NOL4L: variants seen among roughly 807,000 people sequenced by gnomAD.
NOL4L encodes nucleolar protein 4-like.
NOL4L carries 7 observed loss-of-function variants against 64.5 expected under a neutral mutation model. That is an observed-to-expected ratio of 0.11 (90% CI 0.06 to 0.20). The LOEUF is 0.20. Among genes scored for constraint, NOL4L ranks in the 10% least tolerant of loss-of-function variants. The pLI, the probability that NOL4L is intolerant of heterozygous loss-of-function variation, is 1.00. For synonymous variants in NOL4L, 413 were observed against 401.0 expected, an observed-to-expected ratio of 1.03 and a Z score of -0.36; for missense variants, 680 against 967.1, an observed-to-expected ratio of 0.70 and a Z score of 3.94.
Position 32,474,662 on chromosome 20 carries a change from G to A in NOL4L, c.780C>T (p.Ser260=). The change falls in exon 5 of 11, where the codon AGC becomes AGT. Residue 260 remains serine, a synonymous_variant. Coordinates refer to ENST00000621426, the MANE Select transcript of NOL4L (RefSeq NM_001256798.2). Reference sequence around the variant, plus strand: ...TCCTCTCGTCCTGGCTGGGGCTCAGGCTGGAGGCCAGGTGCGGGTCAGCTG... The same window carrying A: ...TCCTCTCGTCCTGGCTGGGGCTCAGACTGGAGGCCAGGTGCGGGTCAGCTG... The part of the protein sequence containing the change: ...WMSADPHLAS[S]LSPSQDERMR... The A allele has an allele frequency of 6.2e-7, 1 of 1,613,804 alleles. No homozygotes were observed. Among genetic ancestry groups the A allele is most frequent in the Non-Finnish European group, 8.5e-7 (1 of 1,179,978 alleles).
At chr20:32,536,348 C>A (rs1379132282) in intron 1 of NOL4L, 3 of 984,184 alleles carry the variant, frequency 3.0e-6, no homozygotes, top group Non-Finnish European at 3.6e-6. Context: ...CGGAGAGCCC[C>A]AGGTGCGGGC....
At chr20:32,490,156 C>T (rs2016409506) in intron 4 of NOL4L, among the ~76,000 whole-genome samples, 1 of 131,390 alleles carries the variant, frequency 7.6e-6, no homozygotes, top group African/African-American at 2.9e-5. Context: ...TATATATACA[C>T]ATATATATAT....
At chr20:32,461,811 C>T (rs1408182505) in intron 5 of NOL4L, among the ~76,000 whole-genome samples, 1 of 150,970 alleles carries the variant, frequency 6.6e-6, no homozygotes, top group Non-Finnish European at 1.5e-5. Flanking sequence ...CCTTGCAATA[C>T]TACTGTGTTT....
chr20:32,482,599 C>T (rs541377143), intron 4 of NOL4L, among the ~76,000 whole-genome samples: 1 of 152,110 alleles, frequency 6.6e-6, no homozygotes, highest in Non-Finnish European at 1.5e-5. Flanking sequence ...TCGAGGCGGC[C>T]GGCTGCCCCC....
intron 1 of NOL4L, among the ~76,000 whole-genome samples, chr20:32,566,263 C>T (rs1353087190): frequency 1.3e-5 from 2 of 152,100 alleles, no homozygotes; most frequent in Non-Finnish European, 2.9e-5. Context: ...GCAGTGGACC[C>T]AGGATTCGAA....
chr20:32,572,022 G>A (rs770357421), intron 1 of NOL4L, among the ~76,000 whole-genome samples: 5 of 152,198 alleles, frequency 3.3e-5, no homozygotes, highest in African/African-American at 1.2e-4. Flanking sequence ...CTGCCAGGCA[G>A]ATTCACACCC....
At chr20:32,485,467 C>G (rs2016050219) in intron 4 of NOL4L, 1 of 259,496 alleles carries the variant, frequency 3.9e-6, no homozygotes. Context: ...AGGCTTCCTT[C>G]CGCACATGCT....
intron 1 of NOL4L, chr20:32,548,879 C>T (rs1252584452): frequency 1.2e-5 from 5 of 432,890 alleles, no homozygotes; most frequent in Non-Finnish European, 2.3e-5. Flanking sequence ...AAATTGAATA[C>T]TACACAGCTG....
chr20:32,541,316 A>G (rs1353717023), intron 1 of NOL4L, among the ~76,000 whole-genome samples: 2 of 152,232 alleles, frequency 1.3e-5, no homozygotes, highest in Non-Finnish European at 2.9e-5. Context: ...AACTGAATGC[A>G]GGGCACTCTG....
At chr20:32,490,014 A>G (rs1307737154) in intron 4 of NOL4L, among the ~76,000 whole-genome samples, 4 of 149,698 alleles carry the variant, frequency 2.7e-5, no homozygotes, top group African/African-American at 9.9e-5. Flanking sequence ...CTGTAGTCCT[A>G]GCTACTGGGG....
intron 1 of NOL4L, among the ~76,000 whole-genome samples, chr20:32,566,819 T>C (rs1426695880): frequency 2.6e-5 from 4 of 152,224 alleles, no homozygotes; most frequent in African/African-American, 9.6e-5. Flanking sequence ...TACCAGCGTC[T>C]GACACAGTGG....
At chr20:32,516,853 G>A (rs1035536800) in intron 3 of NOL4L, among the ~76,000 whole-genome samples, 96 of 152,376 alleles carry the variant, frequency 6.3e-4, no homozygotes, top group African/African-American at 2.3e-3. Flanking sequence ...CCTGCCTACT[G>A]AGGAAGAGTC....
At chr20:32,539,009 C>T (rs2018607170) in intron 1 of NOL4L, among the ~76,000 whole-genome samples, 1 of 146,752 alleles carries the variant, frequency 6.8e-6, no homozygotes, top group Non-Finnish European at 1.5e-5. Context: ...AGCCCAGTGC[C>T]CAGGGGCTCC....
chr20:32,572,396 T>G (rs1176335944), intron 1 of NOL4L: 1 of 152,228 alleles, frequency 6.6e-6, no homozygotes, highest in Non-Finnish European at 1.5e-5. Context: ...AGACACGGAC[T>G]GAGGACTTCA....
At position 32,463,828 on chromosome 20, in the gene NOL4L, G is replaced by A. The variant is rs967383684; in HGVS notation, c.842-7433C>T. On this transcript the variant is annotated intron_variant, in intron 5 of 10. Coordinates refer to ENST00000621426, the MANE Select transcript of NOL4L (RefSeq NM_001256798.2). This position sits in a 1 kb window ranked among gnomAD's most constrained non-coding sequence, Gnocchi z 5.8. ...CCCACAGCCAGTGGCACCCTCTCCC[G>A]GTGGGCGACTCCCACCAGCTCCCAG... Among the ~76,000 whole-genome samples, 1 of 152,128 alleles carries A rather than the reference G, an allele frequency of 6.6e-6. No homozygotes were observed. Among genetic ancestry groups the A allele is most frequent in the Non-Finnish European group, 1.5e-5 (1 of 68,016 alleles).
intron 5 of NOL4L, among the ~76,000 whole-genome samples, chr20:32,461,905 G>A (rs1417319065): frequency 6.6e-6 from 1 of 152,042 alleles, no homozygotes; most frequent in Non-Finnish European, 1.5e-5. Flanking sequence ...TATTGGGTGG[G>A]CCTGGATGGC....
intron 2 of NOL4L, among the ~76,000 whole-genome samples, chr20:32,526,174 A>G (rs905316565): frequency 3.3e-5 from 5 of 152,096 alleles, no homozygotes; most frequent in Non-Finnish European, 2.9e-5. Flanking sequence ...ATAGGTGTCA[A>G]CCACCATGCC....
At chr20:32,583,654 C>T (rs989385137) in intron 1 of NOL4L, among the ~76,000 whole-genome samples, 1 of 149,990 alleles carries the variant, frequency 6.7e-6, no homozygotes, top group South Asian at 2.1e-4. Flanking sequence ...CCGCCCCCCC[C>T]CCAGCCCCCA....
At position 32,453,163 on chromosome 20, in the gene NOL4L, A is replaced by T; in HGVS notation, c.1497+141T>A. On this transcript the variant is annotated intron_variant, in intron 8 of 10. Coordinates refer to ENST00000621426, the MANE Select transcript of NOL4L (RefSeq NM_001256798.2). The surrounding 1 kb of genome is among the most constrained non-coding windows in gnomAD (Gnocchi z 5.6). ...GATCTTTCTGGGCCTTAGTTCCCTC[A>T]TTTGCAAACCAGGGATTATGGTACT... 2 of 1,406,904 alleles carry T rather than the reference A, an allele frequency of 1.4e-6. No homozygotes were observed. The highest frequency in any genetic ancestry group is 2.7e-5 in the South Asian group (2 of 74,914). 87.2% of individuals were successfully genotyped at this position (1,406,904 alleles called of 1,614,324 possible). A position where few individuals can be genotyped will look rare whatever the true frequency, so the allele number is the denominator to read the frequency against.
Sources: allele counts gnomAD v4.1 joint callset (sites outside exome capture counted in the v4.1 genomes callset), GRCh38; gene constraint gnomAD v4.1.1; non-coding constraint Gnocchi (gnomAD v3.1); transcripts MANE v1.5; gene names NCBI Gene and HGNC (gene_info 2026-07-23, HGNC 2026-07-21).